The following COG5 variants were observed in gnomAD, a reference collection of about 807,000 sequenced individuals.
COG5 encodes the protein conserved oligomeric Golgi complex subunit 5.
Under a neutral mutation model 110.4 loss-of-function variants are expected in COG5, and 86 were observed. The observed-to-expected ratio is 0.78, with a 90% CI of 0.65 to 0.93. The LOEUF is 0.93. Among genes scored for constraint, COG5 ranks in the 40% least tolerant of loss-of-function variants. The pLI is 0.00. For missense variants in COG5, 1,077 were observed against 987.0 expected, an observed-to-expected ratio of 1.09 and a Z score of -1.22; for synonymous variants, 360 against 334.6, an observed-to-expected ratio of 1.08 and a Z score of -0.83.
intron 6 of COG5, among the ~76,000 whole-genome samples, chr7:107,437,531 T>C (rs1265994756): frequency 6.6e-6 from 1 of 152,174 alleles, no homozygotes; most frequent in Admixed American, 6.5e-5. Flanking sequence ...TGACAGGTGC[T>C]CTTTCAGATA....
chr7:107,436,411 G>C (rs966074016), intron 6 of COG5, among the ~76,000 whole-genome samples: 2 of 152,072 alleles, frequency 1.3e-5, no homozygotes, highest in Non-Finnish European at 2.9e-5. Flanking sequence ...TAAAATCATA[G>C]ACACAATAAG....
At chr7:107,525,173 G>A (rs1026549546) in intron 6 of COG5, among the ~76,000 whole-genome samples, 1 of 151,758 alleles carries the variant, frequency 6.6e-6, no homozygotes, top group East Asian at 1.9e-4. Flanking sequence ...TGATCCGCCC[G>A]CCTCAGCCTC....
intron 10 of COG5, among the ~76,000 whole-genome samples, chr7:107,344,568 A>G (rs939521692): frequency 2.0e-5 from 3 of 152,220 alleles, no homozygotes; most frequent in Admixed American, 6.5e-5. Flanking sequence ...CCTGTTGTCC[A>G]GGCTGGAGTG....
At position 107,316,430 on chromosome 7, in the gene COG5, GA is replaced by G. The variant is rs547084831; in HGVS notation, c.1108+8009del. On this transcript the variant is annotated intron_variant, in intron 11 of 21. Transcript: ENST00000297135. ...GCTCTTATTTGGAAGAAAGGTACAG[GA>G]AAAAATTTCTTAATGACATTAATTG... is the stretch of plus-strand genomic sequence containing the variant. 1.1e-4 allele frequency among the ~76,000 whole-genome samples: 17 copies of G among 152,054 alleles called. No individual in the cohort carries two copies. In the South Asian group the frequency reaches 2.7e-3, roughly 24 times the overall value.
intron 7 of COG5, among the ~76,000 whole-genome samples, chr7:107,388,703 C>T (rs1377752655): frequency 6.6e-6 from 1 of 152,158 alleles, no homozygotes; most frequent in Non-Finnish European, 1.5e-5. Flanking sequence ...AAGATGTGAA[C>T]AGTAATGTAC....
At chr7:107,288,957 TATA>T (rs1562952470) in intron 12 of COG5, among the ~76,000 whole-genome samples, 2 of 121,358 alleles carry the variant, frequency 1.6e-5, no homozygotes, top group East Asian at 4.9e-4. Context: ...TATATATATA[TATA>T]TATTTAAAAA....
chr7:107,207,420 C>T (rs143631508), intron 21 of COG5, among the ~76,000 whole-genome samples: 5 of 152,284 alleles, frequency 3.3e-5, no homozygotes, highest in African/African-American at 1.2e-4. Flanking sequence ...TGGCACCAAG[C>T]ATTCTCTGAT....
chr7:107,416,245 A>G (rs1170334303), intron 6 of COG5, among the ~76,000 whole-genome samples: 1 of 151,864 alleles, frequency 6.6e-6, no homozygotes, highest in Non-Finnish European at 1.5e-5. Flanking sequence ...AATACAAATA[A>G]CCATCAATAA....
intron 19 of COG5, among the ~76,000 whole-genome samples, chr7:107,213,171 C>T (rs567529715): frequency 3.9e-5 from 6 of 152,258 alleles, no homozygotes; most frequent in Admixed American, 6.5e-5. Flanking sequence ...AAAGCTGAGT[C>T]GGCTGCTCCC....
chr7:107,205,601 A>C (rs1798709907), intron 21 of COG5, among the ~76,000 whole-genome samples: 2 of 152,212 alleles, frequency 1.3e-5, no homozygotes, highest in South Asian at 4.1e-4. Context: ...GCCATACTGA[A>C]TGTTTCAGTT....
At position 107,474,647 on chromosome 7, in the gene COG5, T is replaced by C; in HGVS notation, c.538+52590A>G. 1 of 1,607,246 alleles carries C rather than the reference T, an allele frequency of 6.2e-7. No individual in the cohort carries two copies. The highest frequency in any genetic ancestry group is 8.5e-7 in the Non-Finnish European group (1 of 1,174,338). ...AATACCTGGGAAAACAAGACACTTT[T>C]ATGTGTCAGTACAAATGAATACTAC... On this transcript the variant is annotated intron_variant, in intron 6 of 21. Transcript: ENST00000297135. This position sits in a 1 kb window ranked among gnomAD's most constrained non-coding sequence, Gnocchi z 5.7.
chr7:107,320,512 A>T (rs989552605), intron 11 of COG5, among the ~76,000 whole-genome samples: 1 of 152,224 alleles, frequency 6.6e-6, no homozygotes, highest in African/African-American at 2.4e-5. Flanking sequence ...TCTAAACATC[A>T]GCAACACTAA....
chr7:107,291,874 G>T (rs1806205306), intron 12 of COG5, among the ~76,000 whole-genome samples: 1 of 152,124 alleles, frequency 6.6e-6, no homozygotes, highest in Non-Finnish European at 1.5e-5. Flanking sequence ...TCCTCCCATT[G>T]CCTTTCACCA....
intron 6 of COG5, among the ~76,000 whole-genome samples, chr7:107,451,440 G>A (rs1795335197): frequency 1.3e-5 from 2 of 152,128 alleles, no homozygotes; most frequent in South Asian, 2.1e-4. Context: ...TACAGGCGCT[G>A]AAACTAAAGT....
intron 6 of COG5, among the ~76,000 whole-genome samples, chr7:107,469,010 AT>A (rs987777853): frequency 4.2e-4 from 63 of 149,568 alleles, no homozygotes; most frequent in African/African-American, 1.5e-3. Flanking sequence ...TTAATATTAA[AT>A]TTAATTTAAA....
intron 6 of COG5, among the ~76,000 whole-genome samples, chr7:107,433,697 A>G (rs890055084): frequency 1.3e-5 from 2 of 152,242 alleles, no homozygotes; most frequent in African/African-American, 4.8e-5. Context: ...AGACCTAAAC[A>G]TAAGAGCTAA....
intron 6 of COG5, among the ~76,000 whole-genome samples, chr7:107,520,276 G>A (rs1800232291): frequency 1.3e-5 from 2 of 152,094 alleles, no homozygotes; most frequent in African/African-American, 4.8e-5. Flanking sequence ...ATTCAACATA[G>A]CATTGGAAGT....
Position 107,369,810 on chromosome 7 carries a change from G to A in COG5, c.835+2785C>T, listed in dbSNP as rs1443764440. ...GATAAAATTGATAAAATTGAGTAAA[G>A]TGAATTTTATTCTCCTTGCATAGTT... On this transcript the variant is annotated intron_variant, in intron 8 of 21. Coordinates refer to ENST00000297135, the MANE Select transcript of COG5 (RefSeq NM_006348.5). Among the ~76,000 whole-genome samples, 6 of 152,282 alleles carry A rather than the reference G, an allele frequency of 3.9e-5. No homozygotes were observed. In the East Asian group the frequency reaches 1.2e-3, roughly 29 times the overall value.
rs141287754 is a variant in COG5, at chr7:107,552,156, T to C, written c.292+2129A>G. Among the ~76,000 whole-genome samples, 42 of 152,302 alleles carry C rather than the reference T, an allele frequency of 2.8e-4. No homozygotes were observed. In the East Asian group the frequency reaches 5.4e-3, roughly 20 times the overall value. ...GAAATATTTCTGTTGCGGTGATTCATCTAGACCTATACACACTCAATGTAC... is the reference window on the plus strand; with the variant it reads ...GAAATATTTCTGTTGCGGTGATTCACCTAGACCTATACACACTCAATGTAC... On this transcript the variant is annotated intron_variant, in intron 3 of 21. Transcript: ENST00000297135.
Sources: gnomAD v4.1 joint callset for allele counts (sites outside exome capture counted in the v4.1 genomes callset) on GRCh38, gnomAD v4.1.1 for gene constraint, Gnocchi (gnomAD v3.1) non-coding constraint, MANE v1.5 for transcripts, NCBI Gene and HGNC (gene_info 2026-07-23, HGNC 2026-07-21) for gene names.